TRAK1: variants seen among roughly 807,000 people sequenced by gnomAD.
TRAK1 encodes trafficking kinesin protein 1.
In TRAK1, 33 loss-of-function variants were observed where a neutral mutation model predicts 92.1. The observed-to-expected ratio is 0.36, with a 90% CI of 0.27 to 0.48. The LOEUF is 0.48. Among genes scored for constraint, TRAK1 ranks in the 20% least tolerant of loss-of-function variants. TRAK1 has a pLI of 0.99. For missense variants in TRAK1, 1,123 were observed against 1,257.9 expected (o/e 0.89, Z 1.62); for synonymous variants, 521 against 517.3 (o/e 1.01, Z -0.10).
At chr3:42,212,226 G>A in intron 14 of TRAK1, 1 of 985,446 alleles carries the variant, frequency 1.0e-6, no homozygotes, top group Non-Finnish European at 1.2e-6. Flanking sequence ...TCTGTCTTGG[G>A]ATTTGTATCC....
chr3:42,220,581 C>T lies in TRAK1; in HGVS notation c.2066+985C>T, dbSNP rs548686128. The T allele has an allele frequency of 4.0e-5, 39 of 985,388 alleles. No individual in the cohort carries two copies. In the South Asian group the frequency reaches 1.2e-3, roughly 30 times the overall value. 61.0% of individuals were successfully genotyped at this position (985,388 alleles called of 1,614,324 possible). ...AGGGCAGAGAGTCTGAGCCCACGGG[C>T]GAGGCAGGGGGTGAGCACACCGCCA... is the stretch of plus-strand genomic sequence containing the variant. On this transcript the variant is annotated intron_variant, in intron 15 of 15. Transcript: ENST00000327628.
chr3:42,207,181 C>T (rs181805230), intron 13 of TRAK1, among the ~76,000 whole-genome samples: 1 of 152,310 alleles, frequency 6.6e-6, no homozygotes, highest in Non-Finnish European at 1.5e-5. Context: ...CAGTCCCAAA[C>T]TGAACATGGC....
At chr3:42,070,775 G>A (rs1223094330) in intron 1 of TRAK1, among the ~76,000 whole-genome samples, 3 of 152,192 alleles carry the variant, frequency 2.0e-5, no homozygotes, top group Non-Finnish European at 4.4e-5. Flanking sequence ...ACAGTAGCTT[G>A]TGCCTGCTGG....
chr3:42,168,919 G>A (rs1702194710), intron 2 of TRAK1, among the ~76,000 whole-genome samples: 2 of 152,194 alleles, frequency 1.3e-5, no homozygotes, highest in Non-Finnish European at 2.9e-5. Flanking sequence ...TGCCTCCCAG[G>A]TTCAAGCGAT....
At chr3:42,164,357 C>G (rs772820214) in intron 2 of TRAK1, among the ~76,000 whole-genome samples, 1 of 152,242 alleles carries the variant, frequency 6.6e-6, no homozygotes, top group Non-Finnish European at 1.5e-5. Context: ...TTGTTGTTCT[C>G]TCCAGGTCAC....
At chr3:42,124,287 T>C (rs1045877128) in intron 1 of TRAK1, among the ~76,000 whole-genome samples, 1 of 152,206 alleles carries the variant, frequency 6.6e-6, no homozygotes, top group Non-Finnish European at 1.5e-5. Context: ...TATTTATGGG[T>C]TGACAAAACC....
chr3:42,129,638 A>G (rs1696933439), intron 2 of TRAK1, among the ~76,000 whole-genome samples: 1 of 152,064 alleles, frequency 6.6e-6, no homozygotes, highest in South Asian at 2.1e-4. Context: ...AAACAAATAT[A>G]CCCACAACGA....
At chr3:42,050,626 C>G (rs1702941454) in intron 1 of TRAK1, among the ~76,000 whole-genome samples, 1 of 152,036 alleles carries the variant, frequency 6.6e-6, no homozygotes, top group Non-Finnish European at 1.5e-5. Context: ...TTTCCGTTTT[C>G]TTTGTCCTTG....
At chr3:42,123,681 T>C (rs1254890672) in intron 1 of TRAK1, among the ~76,000 whole-genome samples, 3 of 151,546 alleles carry the variant, frequency 2.0e-5, no homozygotes, top group African/African-American at 4.8e-5. Context: ...TCCCTGCTAT[T>C]GTGTGGTTTT....
chr3:42,187,905 A>C lies in TRAK1; in HGVS notation c.481-140A>C. Reference sequence around the variant, plus strand: ...AAAGCCTCTTTTTTTGAATAGCACAAAATCAGTTTAAATGCTTTCACTTTC... The same window carrying C: ...AAAGCCTCTTTTTTTGAATAGCACACAATCAGTTTAAATGCTTTCACTTTC... On this transcript the variant is annotated intron_variant, in intron 4 of 15. Coordinates refer to ENST00000327628, the MANE Select transcript of TRAK1 (RefSeq NM_001042646.3). The C allele has an allele frequency of 6.9e-6, 5 of 722,382 alleles. No individual in the cohort carries two copies. The South Asian group carries it at 8.2e-5, about 12-fold the overall frequency. The allele number at this position is 722,382 out of a possible 1,614,324, so 44.7% of individuals were successfully genotyped here.
intron 1 of TRAK1, among the ~76,000 whole-genome samples, chr3:42,025,021 A>G (rs905464065): frequency 6.6e-6 from 1 of 152,220 alleles, no homozygotes; most frequent in Non-Finnish European, 1.5e-5. Context: ...GCTAAGTTGC[A>G]GTTTCTTAAA....
chr3:42,143,214 C>T (rs1365051568), intron 2 of TRAK1, among the ~76,000 whole-genome samples: 1 of 147,836 alleles, frequency 6.8e-6, no homozygotes, highest in Admixed American at 6.7e-5. Flanking sequence ...CTTTCCTGAT[C>T]ATTTATTTTG....
intron 6 of TRAK1, among the ~76,000 whole-genome samples, chr3:42,190,792 C>T (rs926763347): frequency 1.3e-5 from 2 of 151,962 alleles, no homozygotes; most frequent in Non-Finnish European, 2.9e-5. Flanking sequence ...TCCCTCTCTC[C>T]CTTCCTCCCT....
intron 1 of TRAK1, among the ~76,000 whole-genome samples, chr3:42,067,810 T>C (rs1392070622): frequency 1.3e-5 from 2 of 152,160 alleles, no homozygotes; most frequent in East Asian, 3.8e-4. Flanking sequence ...GTAGTTAGTT[T>C]TTTTTTCTTT....
intron 2 of TRAK1, among the ~76,000 whole-genome samples, chr3:42,166,627 A>G (rs1701902872): frequency 1.3e-5 from 2 of 152,378 alleles, no homozygotes; most frequent in Admixed American, 1.3e-4. Flanking sequence ...GGCACATTGT[A>G]GATACCCAGT....
At chr3:42,151,285 C>T (rs1699917654) in intron 2 of TRAK1, 2 of 451,988 alleles carry the variant, frequency 4.4e-6, no homozygotes, top group South Asian at 1.6e-5. Context: ...GGAGGGTGAG[C>T]GGAGGCCTGC....
chr3:42,154,211 C>T (rs1700278422), intron 2 of TRAK1, among the ~76,000 whole-genome samples: 1 of 152,004 alleles, frequency 6.6e-6, no homozygotes, highest in South Asian at 2.1e-4. Flanking sequence ...CTTGCTGTGT[C>T]ATCCAGGCTG....
chr3:42,190,769 T>TCTCCTCCCTCC (rs1705598211), intron 6 of TRAK1, among the ~76,000 whole-genome samples: 1 of 150,092 alleles, frequency 6.7e-6, no homozygotes, highest in Admixed American at 6.7e-5. Context: ...TCCCTCTTTC[T>TCTCCTCCCTCC]CTCCTCCCTC....
At chr3:42,095,421 A>T (rs973542932) in intron 1 of TRAK1, among the ~76,000 whole-genome samples, 1 of 152,194 alleles carries the variant, frequency 6.6e-6, no homozygotes, top group Non-Finnish European at 1.5e-5. Flanking sequence ...TTACTGTTAA[A>T]TGGGGTTTTA....
Sources: gnomAD v4.1 joint callset for allele counts (sites outside exome capture counted in the v4.1 genomes callset) on GRCh38, gnomAD v4.1.1 for gene constraint, MANE v1.5 for transcripts, NCBI Gene and HGNC (gene_info 2026-07-23, HGNC 2026-07-21) for gene names.